Variants in TMEM63B observed in about 807,000 individuals in gnomAD.
The protein encoded by TMEM63B is mechanosensitive cation channel TMEM63B.
A neutral mutation model predicts 102.6 loss-of-function variants in TMEM63B; 23 were observed. The ratio of observed to expected loss-of-function variants is 0.22; its 90% confidence interval spans 0.16 to 0.32. The LOEUF is 0.32. Among genes scored for constraint, TMEM63B ranks in the 10% least tolerant of loss-of-function variants. The probability of loss-of-function intolerance (pLI) is 1.00; values close to 1 mark genes in which losing one functional copy is unlikely to be tolerated. For missense variants in TMEM63B, 628 were observed against 1,095.9 expected (o/e 0.57, Z 6.03); for synonymous variants, 444 against 437.0 (o/e 1.02, Z -0.20).
chr6:44,139,326 C>A, intron 6 of TMEM63B, 141 bp from the exon 7 acceptor site: 1 of 984,564 alleles, frequency 1.0e-6, no homozygotes, highest in Non-Finnish European at 1.5e-6. Flanking sequence ...ACCAAGAAGT[C>A]CCATTTCAGC....
chr6:44,139,351 A>G (rs933340561), intron 6 of TMEM63B, 116 bp from the exon 7 acceptor site: 1 of 1,291,110 alleles, frequency 7.7e-7, no homozygotes, highest in Non-Finnish European at 1.1e-6. Flanking sequence ...TACTACTGCC[A>G]GATCAGCTGG....
In TMEM63B at chr6:44,141,177, A is replaced by G. The variant is rs1764187125; in HGVS notation, c.782+79A>G. 3.6e-6 allele frequency: 5 copies of G among 1,400,542 alleles called. No homozygotes were observed. The South Asian group carries it at 4.8e-5, about 14-fold the overall frequency. 86.8% of individuals were successfully genotyped at this position (1,400,542 alleles called of 1,614,324 possible). A position where few individuals can be genotyped will look rare whatever the true frequency, so the allele number is the denominator to read the frequency against. On this transcript the variant is annotated intron_variant, in intron 10 of 23. Coordinates refer to ENST00000323267, the MANE Select transcript of TMEM63B (RefSeq NM_018426.3). ...GCCTTTGAACTCTAAGAACATCCTT[A>G]TACCCTAGCCTGGAGCTCTGCCGTG... is the stretch of plus-strand genomic sequence containing the variant.
At chr6:44,145,448 CG>C (rs1765174124) in intron 10 of TMEM63B, among the ~76,000 whole-genome samples, 1 of 151,194 alleles carries the variant, frequency 6.6e-6, no homozygotes, top group Admixed American at 6.6e-5. Flanking sequence ...AAAAATTAGC[CG>C]GGTGTGGTGG....
At chr6:44,153,416 TA>T (rs1407420264) in intron 20 of TMEM63B, among the ~76,000 whole-genome samples, 6 of 152,368 alleles carry the variant, frequency 3.9e-5, no homozygotes, top group Non-Finnish European at 5.9e-5. Flanking sequence ...ATACGGGTTT[TA>T]AGAAGATGCT....
chr6:44,138,489 TC>T lies in TMEM63B; in HGVS notation c.381del (p.Trp128GlyfsTer2), dbSNP rs1763463943. On this transcript the variant is annotated frameshift_variant, in exon 6 of 24. Transcript: ENST00000323267. LOFTEE classifies it high-confidence loss of function. The part of the protein sequence containing the change: ...DFDQRDNGFC[S>X]WLTAIFRIKD... ...CCCTCTGTTCCCCCAGGGTTTCTGT[TC>T]CTGGCTGACAGCCATCTTCAGGATA... 6.2e-7 allele frequency: 1 copy of T among 1,613,950 alleles called. No individual in the cohort carries two copies.
In TMEM63B at chr6:44,150,331, C is replaced by T. The variant is rs1333044415; in HGVS notation, c.1607+21C>T. 2 of 1,607,728 alleles carry T rather than the reference C, an allele frequency of 1.2e-6. No individual in the cohort carries two copies. The highest frequency in any genetic ancestry group is 1.7e-6 in the Non-Finnish European group (2 of 1,174,444). ...AGCAGGTGAGTTGAGAAGGATGGGG[C>T]AGGAGCCAGGGTAGGGGGACAGCAG... On this transcript the variant is annotated intron_variant, in intron 17 of 23. Transcript: ENST00000323267. The surrounding 1 kb of genome is among the most constrained non-coding windows in gnomAD (Gnocchi z 4.7).
At chr6:44,128,697 G>T (rs1777717035) in intron 1 of TMEM63B, among the ~76,000 whole-genome samples, 1 of 152,252 alleles carries the variant, frequency 6.6e-6, no homozygotes. Flanking sequence ...GGGGAGCAAT[G>T]AGGCTGTGCC....
intron 11 of TMEM63B, 59 bp downstream of exon 11, chr6:44,146,986 A>G: frequency 6.4e-7 from 1 of 1,571,742 alleles, no homozygotes; most frequent in Non-Finnish European, 8.8e-7. Context: ...TGTGGAGGAC[A>G]TCTTGGCTAC....
intron 5 of TMEM63B, 68 bp from the exon 6 acceptor site, chr6:44,138,412 C>G (rs1228505474): frequency 6.2e-7 from 1 of 1,600,762 alleles, no homozygotes; most frequent in Non-Finnish European, 8.6e-7. Context: ...ATGGGTGGGA[C>G]TTGAGGGAGG....
chr6:44,128,436 G>T (rs1046003508), intron 1 of TMEM63B, among the ~76,000 whole-genome samples: 6 of 152,246 alleles, frequency 3.9e-5, no homozygotes, highest in African/African-American at 1.4e-4. Context: ...AGGGGGCGCC[G>T]CTTTGTCCCT....
rs750989545 is a variant in TMEM63B at position 44,135,005 on chromosome 6, C to T, written c.160-12C>T. 3.1e-6 allele frequency: 5 copies of T among 1,614,230 alleles called. No homozygotes were observed. The South Asian group carries it at 5.5e-5, about 18-fold the overall frequency. On this transcript the variant is annotated splice_polypyrimidine_tract_variant and intron_variant, in intron 2 of 23. Transcript: ENST00000323267. ...AGCCTCTGCACTTGCCAACTGCCCCCTCTTCCCTCAGGCACTGCTGTTCTT... is the reference window on the plus strand; with the variant it reads ...AGCCTCTGCACTTGCCAACTGCCCCTTCTTCCCTCAGGCACTGCTGTTCTT...
upstream of TMEM63B, among the ~76,000 whole-genome samples, chr6:44,126,638 C>T (rs1777088760): frequency 6.6e-6 from 1 of 150,528 alleles, no homozygotes; most frequent in Non-Finnish European, 1.5e-5. Flanking sequence ...CTTACGGTGG[C>T]AAAGTTCATT....
At chr6:44,147,083 G>A (rs768256118) in intron 11 of TMEM63B, among the ~76,000 whole-genome samples, 156 bp downstream of exon 11, 17 of 152,188 alleles carry the variant, frequency 1.1e-4, no homozygotes, top group Non-Finnish European at 2.1e-4. Flanking sequence ...GCTCTGGAAA[G>A]AGCAAGGCCT....
intron 1 of TMEM63B, among the ~76,000 whole-genome samples, chr6:44,133,253 A>G (rs932426118): frequency 6.6e-6 from 1 of 151,716 alleles, no homozygotes; most frequent in African/African-American, 2.4e-5. Context: ...CACATAAACA[A>G]CTCCATCCTC....
intron 1 of TMEM63B, among the ~76,000 whole-genome samples, chr6:44,132,865 A>C (rs1307010580): frequency 2.6e-5 from 4 of 152,184 alleles, no homozygotes; most frequent in Non-Finnish European, 5.9e-5. Flanking sequence ...GTCCTGTTCT[A>C]GGAACATCAG....
At position 44,134,947 on chromosome 6, in the gene TMEM63B, G is replaced by C. The variant is rs534701773; in HGVS notation, c.160-70G>C. ...TCTAAGACAAGATTTTGGACCCTCT[G>C]CTTCTGCCCCCTAGTCCAGCAGGTG... is the stretch of plus-strand genomic sequence containing the variant. On this transcript the variant is annotated intron_variant, in intron 2 of 23. Transcript: ENST00000323267. The C allele has an allele frequency of 2.1e-5, 33 of 1,583,142 alleles. No individual in the cohort carries two copies. The South Asian group carries it at 3.7e-4, about 18-fold the overall frequency.
intron 1 of TMEM63B, among the ~76,000 whole-genome samples, chr6:44,131,320 G>T (rs984085318): frequency 6.6e-6 from 1 of 152,224 alleles, no homozygotes; most frequent in East Asian, 1.9e-4. Flanking sequence ...TTACAGATTG[G>T]AAGACTGAGA....
At chr6:44,143,522 A>G (rs1764718116) in intron 10 of TMEM63B, among the ~76,000 whole-genome samples, 1 of 152,018 alleles carries the variant, frequency 6.6e-6, no homozygotes, top group African/African-American at 2.4e-5. Flanking sequence ...TAATATTACC[A>G]TCCAGTTGGA....
rs1437223250 is a variant in TMEM63B at position 44,152,041 on chromosome 6, A to G, written c.1836+33A>G. 1 of 1,560,992 alleles carries G rather than the reference A, an allele frequency of 6.4e-7. No homozygotes were observed. The highest frequency in any genetic ancestry group is 1.4e-5 in the African/African-American group (1 of 72,560). Reference sequence around the variant, plus strand: ...CGCCTGGGGCAGCAGCGGCCCGCACAGCGCCCCCTGGTGGCCCAACAAGAA... The same window carrying G: ...CGCCTGGGGCAGCAGCGGCCCGCACGGCGCCCCCTGGTGGCCCAACAAGAA... On this transcript the variant is annotated intron_variant, in intron 19 of 23. Coordinates refer to ENST00000323267, the MANE Select transcript of TMEM63B (RefSeq NM_018426.3). This position sits in a 1 kb window ranked among gnomAD's most constrained non-coding sequence, Gnocchi z 6.4.
Sources: allele counts gnomAD v4.1 joint callset (sites outside exome capture counted in the v4.1 genomes callset), GRCh38; gene constraint gnomAD v4.1.1; non-coding constraint Gnocchi (gnomAD v3.1); transcripts MANE v1.5; gene names NCBI Gene and HGNC (gene_info 2026-07-23, HGNC 2026-07-21).